The following FSTL5 variants were observed in gnomAD, a reference collection of about 807,000 sequenced individuals.
The protein encoded by FSTL5 is follistatin like 5, also known as follistatin-related protein 5.
A neutral mutation model predicts 89.1 loss-of-function variants in FSTL5; 62 were observed. The ratio of observed to expected loss-of-function variants is 0.70; its 90% CI spans 0.57 to 0.86. The LOEUF (loss-of-function observed/expected upper bound fraction) is 0.86. Among genes scored for constraint, FSTL5 ranks in the 40% least tolerant of loss-of-function variants. The pLI is 0.00. For missense variants in FSTL5, 1,057 were observed against 1,001.6 expected, an observed-to-expected ratio of 1.06 and a Z score of -0.75; for synonymous variants, 383 against 346.2, an observed-to-expected ratio of 1.11 and a Z score of -1.18.
chr4:161,402,573 T>A (rs1481871831), intron 15 of FSTL5, among the ~76,000 whole-genome samples: 1 of 152,190 alleles, frequency 6.6e-6, no homozygotes, highest in Non-Finnish European at 1.5e-5. Flanking sequence ...ATATTCTCAA[T>A]CTAGTGTTCT....
intron 3 of FSTL5, among the ~76,000 whole-genome samples, chr4:161,986,919 T>C (rs1735978776): frequency 6.6e-6 from 1 of 152,190 alleles, no homozygotes; most frequent in African/African-American, 2.4e-5. Flanking sequence ...ATCACAAACC[T>C]TGAAAACTAA....
chr4:161,881,846 C>G (rs530917996), intron 4 of FSTL5, among the ~76,000 whole-genome samples: 3 of 152,196 alleles, frequency 2.0e-5, no homozygotes, highest in Admixed American at 2.0e-4. Context: ...CCTTAAAAGA[C>G]TTTTTTCTCT....
rs188533758 is a variant in FSTL5 at position 161,937,658 on chromosome 4, G to T, written c.161-17006C>A. On this transcript the variant is annotated intron_variant, in intron 3 of 15. Coordinates refer to ENST00000306100, the MANE Select transcript of FSTL5 (RefSeq NM_020116.5). Reference sequence around the variant, plus strand: ...ATTCTGGGGGAAAGAACTCTGTGCTGATTATGGCCCTAATCTTGCTCTCCT... The same window carrying T: ...ATTCTGGGGGAAAGAACTCTGTGCTTATTATGGCCCTAATCTTGCTCTCCT... 1.9e-4 allele frequency among the ~76,000 whole-genome samples: 29 copies of T among 152,236 alleles called. No homozygotes were observed. The East Asian group carries it at 5.2e-3, about 27-fold the overall frequency.
intron 3 of FSTL5, among the ~76,000 whole-genome samples, chr4:161,955,441 A>T (rs911848860): frequency 6.6e-6 from 1 of 151,848 alleles, no homozygotes; most frequent in Non-Finnish European, 1.5e-5. Context: ...CTAAATAAAA[A>T]TAAAAACTAA....
chr4:161,683,932 T>C (rs1413448690), intron 6 of FSTL5, among the ~76,000 whole-genome samples: 3 of 152,134 alleles, frequency 2.0e-5, no homozygotes, highest in Admixed American at 2.0e-4. Flanking sequence ...TAAAGTCCAT[T>C]GTGTCATTCT....
At chr4:161,444,567 T>C (rs1206492068) in intron 15 of FSTL5, among the ~76,000 whole-genome samples, 1 of 151,830 alleles carries the variant, frequency 6.6e-6, no homozygotes, top group African/African-American at 2.4e-5. Flanking sequence ...ACAAATTTTA[T>C]GAACAGTGGC....
At chr4:161,667,421 T>C (rs543753734) in intron 6 of FSTL5, among the ~76,000 whole-genome samples, 1 of 152,222 alleles carries the variant, frequency 6.6e-6, no homozygotes, top group Non-Finnish European at 1.5e-5. Flanking sequence ...TGTATGACTT[T>C]GAAAAATTCA....
chr4:161,425,548 A>G (rs1370668290), intron 15 of FSTL5, among the ~76,000 whole-genome samples: 1 of 152,202 alleles, frequency 6.6e-6, no homozygotes, highest in African/African-American at 2.4e-5. Flanking sequence ...TTTTTTGCCC[A>G]GGAAATTCCT....
intron 10 of FSTL5, among the ~76,000 whole-genome samples, chr4:161,534,011 C>G (rs1034423040): frequency 2.6e-5 from 4 of 152,000 alleles, no homozygotes; most frequent in African/African-American, 9.7e-5. Context: ...GCAGGAAAAG[C>G]CTTTGATAAA....
chr4:161,888,751 TTTAA>T (rs1213536578), intron 4 of FSTL5, among the ~76,000 whole-genome samples: 1 of 152,082 alleles, frequency 6.6e-6, no homozygotes, highest in African/African-American at 2.4e-5. Flanking sequence ...CTCTTCCTCA[TTTAA>T]TTACTTTAAC....
At chr4:162,096,134 C>T (rs1031116423) in intron 2 of FSTL5, among the ~76,000 whole-genome samples, 5 of 151,854 alleles carry the variant, frequency 3.3e-5, no homozygotes, top group African/African-American at 4.8e-5. Flanking sequence ...AATGCAATAA[C>T]GCTTCCAAAT....
chr4:161,468,487 G>T (rs1010485200), intron 13 of FSTL5, among the ~76,000 whole-genome samples: 2 of 152,062 alleles, frequency 1.3e-5, no homozygotes, highest in Non-Finnish European at 2.9e-5. Context: ...ATTGCTGCCC[G>T]CAAGCATATT....
chr4:162,110,705 T>C (rs1227854343), intron 2 of FSTL5, among the ~76,000 whole-genome samples: 1 of 151,606 alleles, frequency 6.6e-6, no homozygotes, highest in African/African-American at 2.4e-5. Context: ...ATGTTTATAA[T>C]TTATTATATG....
chr4:161,419,392 T>A (rs1238849721), intron 15 of FSTL5, among the ~76,000 whole-genome samples: 5 of 151,920 alleles, frequency 3.3e-5, no homozygotes, highest in Non-Finnish European at 5.9e-5. Context: ...ATTAAAAAAA[T>A]GTAGTGGGAT....
chr4:161,833,025 T>A (rs1033747667), intron 4 of FSTL5, among the ~76,000 whole-genome samples: 4 of 151,174 alleles, frequency 2.6e-5, no homozygotes, highest in Non-Finnish European at 4.4e-5. Flanking sequence ...TTTAGTGCTA[T>A]AAATTTCCCT....
intron 7 of FSTL5, among the ~76,000 whole-genome samples, chr4:161,614,596 T>A (rs900850545): frequency 6.6e-6 from 1 of 152,154 alleles, no homozygotes; most frequent in African/African-American, 2.4e-5. Flanking sequence ...CATTGATTAT[T>A]AAGAGGAAAA....
chr4:161,711,576 A>T (rs1738782462), intron 6 of FSTL5, among the ~76,000 whole-genome samples: 1 of 152,126 alleles, frequency 6.6e-6, no homozygotes, highest in African/African-American at 2.4e-5. Flanking sequence ...TCTACCAAAC[A>T]TTTTTAAGAA....
chr4:162,093,669 C>T (rs1395538737), intron 2 of FSTL5, among the ~76,000 whole-genome samples: 1 of 151,982 alleles, frequency 6.6e-6, no homozygotes, highest in Non-Finnish European at 1.5e-5. Context: ...AAACTTTAAA[C>T]TGGTAATCAC....
At chr4:161,459,519 C>T (rs1216145542) in intron 13 of FSTL5, among the ~76,000 whole-genome samples, 200 bp from the exon 14 acceptor site, 1 of 151,800 alleles carries the variant, frequency 6.6e-6, no homozygotes, top group Admixed American at 6.6e-5. Context: ...AAAGTATTAT[C>T]TTTCTAAATT....
Sources: gnomAD v4.1 joint callset for allele counts (sites outside exome capture counted in the v4.1 genomes callset) on GRCh38, gnomAD v4.1.1 for gene constraint, MANE v1.5 for transcripts, NCBI Gene and HGNC (gene_info 2026-07-23, HGNC 2026-07-21) for gene names.